Variants in SUMF1 observed in about 807,000 individuals in gnomAD.
SUMF1 encodes the protein formylglycine-generating enzyme.
SUMF1 carries 48 observed loss-of-function variants against 47.6 expected under a neutral mutation model. That is an observed-to-expected ratio of 1.01 (90% CI 0.80 to 1.28). The LOEUF is 1.28. Among genes scored for constraint, SUMF1 ranks in the 50% most tolerant of loss-of-function variants. The pLI, the probability that SUMF1 is intolerant of heterozygous loss-of-function variation, is 0.00. For missense variants in SUMF1, 571 were observed against 485.4 expected, an observed-to-expected ratio of 1.18 and a Z score of -1.66; for synonymous variants, 230 against 192.1, an observed-to-expected ratio of 1.20 and a Z score of -1.63.
At chr3:4,333,978 A>C (rs1699098469) in intron 8 of SUMF1, among the ~76,000 whole-genome samples, 1 of 152,084 alleles carries the variant, frequency 6.6e-6, no homozygotes, top group Non-Finnish European at 1.5e-5. Context: ...AATATTTAAA[A>C]AGTAGCCAGA....
chr3:4,401,953 C>A (rs923459332), intron 7 of SUMF1, among the ~76,000 whole-genome samples: 1 of 152,124 alleles, frequency 6.6e-6, no homozygotes, highest in Admixed American at 6.6e-5. Flanking sequence ...TCTCCAAAGC[C>A]CCTAGCTGGT....
intron 1 of SUMF1, among the ~76,000 whole-genome samples, chr3:4,454,018 A>G (rs1386424307): frequency 6.6e-6 from 1 of 152,048 alleles, no homozygotes; most frequent in South Asian, 2.1e-4. Flanking sequence ...CTTTTGAATT[A>G]TTTTTAAAAG....
intron 8 of SUMF1, among the ~76,000 whole-genome samples, chr3:4,122,246 G>A (rs777636731): frequency 9.2e-5 from 14 of 152,130 alleles, no homozygotes; most frequent in African/African-American, 2.4e-4. Flanking sequence ...TGGTGTATCC[G>A]TATAACAGAA....
intron 8 of SUMF1, among the ~76,000 whole-genome samples, chr3:4,206,560 G>A (rs1251190382): frequency 6.6e-6 from 1 of 152,030 alleles, no homozygotes; most frequent in Non-Finnish European, 1.5e-5. Context: ...TCTGTGTCAC[G>A]TGGCACTGCC....
chr3:4,455,729 T>A (rs1371469510), intron 1 of SUMF1, among the ~76,000 whole-genome samples: 1 of 151,830 alleles, frequency 6.6e-6, no homozygotes, highest in Admixed American at 6.6e-5. Flanking sequence ...ATAATAATAA[T>A]AATAATAATA....
chr3:4,463,799 A>AC (rs2079872220), intron 1 of SUMF1, among the ~76,000 whole-genome samples: 1 of 152,264 alleles, frequency 6.6e-6, no homozygotes, highest in Admixed American at 6.5e-5. Flanking sequence ...CTTCTAAAAG[A>AC]TAAAAGCAGA....
At chr3:4,246,625 C>T (rs1431053483) in intron 8 of SUMF1, among the ~76,000 whole-genome samples, 1 of 152,112 alleles carries the variant, frequency 6.6e-6, no homozygotes, top group Non-Finnish European at 1.5e-5. Flanking sequence ...TGGTGTCAAA[C>T]TCCTGACCTC....
chr3:4,299,442 T>C (rs1697919732), intron 8 of SUMF1, among the ~76,000 whole-genome samples: 1 of 152,258 alleles, frequency 6.6e-6, no homozygotes, highest in Non-Finnish European at 1.5e-5. Context: ...TAGTTGAACC[T>C]GAAATGACCC....
chr3:4,051,824 G>A (rs549827168), intron 9 of SUMF1, among the ~76,000 whole-genome samples: 90 of 152,264 alleles, frequency 5.9e-4, no homozygotes, highest in Non-Finnish European at 1.1e-3. Context: ...CTGGCTGTCT[G>A]ATCAGTTTGC....
At chr3:4,454,921 G>A (rs1575244734) in intron 1 of SUMF1, among the ~76,000 whole-genome samples, 1 of 152,164 alleles carries the variant, frequency 6.6e-6, no homozygotes, top group Non-Finnish European at 1.5e-5. Flanking sequence ...GCTAGGGGGA[G>A]GCAGGAATGG....
chr3:4,394,179 G>C (rs1338183595), intron 7 of SUMF1, among the ~76,000 whole-genome samples: 1 of 151,370 alleles, frequency 6.6e-6, no homozygotes, highest in South Asian at 2.1e-4. Flanking sequence ...TGCTTTTTTT[G>C]TGTGTTTTGA....
chr3:4,331,449 C>A (rs903188141), intron 8 of SUMF1, among the ~76,000 whole-genome samples: 1 of 148,850 alleles, frequency 6.7e-6, no homozygotes, highest in Non-Finnish European at 1.5e-5. Context: ...TGGAGGTAAG[C>A]CGTTTTAATT....
chr3:4,416,420 G>C (rs1005793201), intron 6 of SUMF1, among the ~76,000 whole-genome samples: 1 of 152,132 alleles, frequency 6.6e-6, no homozygotes. Context: ...CAGATGAAAC[G>C]TTTCTGATAT....
chr3:4,362,911 G>A (rs1699814198), intron 8 of SUMF1, among the ~76,000 whole-genome samples: 1 of 151,070 alleles, frequency 6.6e-6, no homozygotes, highest in African/African-American at 2.5e-5. Context: ...AAGATCTTGT[G>A]TCCAAAAAAA....
intron 7 of SUMF1, among the ~76,000 whole-genome samples, chr3:4,397,788 CA>C (rs1479813431): frequency 6.6e-6 from 1 of 151,860 alleles, no homozygotes; most frequent in African/African-American, 2.4e-5. Flanking sequence ...TAAAAAGGTC[CA>C]AAAAAATGTC....
chr3:4,239,721 G>C (rs761373036), intron 8 of SUMF1, among the ~76,000 whole-genome samples: 1 of 152,150 alleles, frequency 6.6e-6, no homozygotes, highest in Non-Finnish European at 1.5e-5. Context: ...TGCAAACAGA[G>C]ACAATTGGAC....
chr3:4,057,658 A>G (rs1695215333), intron 9 of SUMF1, among the ~76,000 whole-genome samples: 1 of 152,128 alleles, frequency 6.6e-6, no homozygotes, highest in Admixed American at 6.6e-5. Context: ...TATACTTAGC[A>G]AACTATAAAG....
chr3:4,038,528 T>C (rs980198997), intron 9 of SUMF1, among the ~76,000 whole-genome samples: 2 of 152,168 alleles, frequency 1.3e-5, no homozygotes, highest in African/African-American at 2.4e-5. Context: ...GACTCCCAGC[T>C]GTTGCCCAGA....
At chr3:4,182,758 G>A (rs1695123098) in intron 8 of SUMF1, among the ~76,000 whole-genome samples, 1 of 152,150 alleles carries the variant, frequency 6.6e-6, no homozygotes. Flanking sequence ...GGTTACACTA[G>A]TGGAGAGTCA....
Sources: gnomAD v4.1 joint callset for allele counts (sites outside exome capture counted in the v4.1 genomes callset) on GRCh38, gnomAD v4.1.1 for gene constraint, MANE v1.5 for transcripts, NCBI Gene and HGNC (gene_info 2026-07-23, HGNC 2026-07-21) for gene names.